The following IRAG2 variants were observed in gnomAD, a reference collection of about 807,000 sequenced individuals.
IRAG2 encodes inositol 1,4,5-triphosphate receptor associated 2.
Under a neutral mutation model 69.9 loss-of-function variants are expected in IRAG2, and 45 were observed. That is an observed-to-expected ratio of 0.64 (90% CI 0.51 to 0.83). IRAG2 has a LOEUF of 0.83. Ranked by LOEUF, IRAG2 falls within the 40% of genes least tolerant of loss-of-function variation. The pLI is 0.00. For missense variants in IRAG2, 520 were observed against 587.0 expected (o/e 0.89, Z 1.18); for synonymous variants, 193 against 202.4 (o/e 0.95, Z 0.40).
intron 14 of IRAG2, among the ~76,000 whole-genome samples, chr12:25,096,323 G>A (rs1319236799): frequency 6.6e-6 from 1 of 152,104 alleles, no homozygotes; most frequent in Admixed American, 6.5e-5. Flanking sequence ...CAATCACACA[G>A]GTAATGAGCA....
chr12:25,029,707 G>A (rs1199903125), intron 9 of IRAG2, among the ~76,000 whole-genome samples: 2 of 151,326 alleles, frequency 1.3e-5, no homozygotes, highest in African/African-American at 4.9e-5. Flanking sequence ...AGAGATGAGA[G>A]TCTTGCGCTG....
intron 1 of IRAG2, among the ~76,000 whole-genome samples, chr12:25,058,782 A>G (rs1335385857): frequency 6.6e-6 from 1 of 152,228 alleles, no homozygotes; most frequent in African/African-American, 2.4e-5. Flanking sequence ...TACATGGCAG[A>G]TGGCAACAGC....
chr12:25,105,953 T>C (rs1032234581), intron 20 of IRAG2, among the ~76,000 whole-genome samples: 1 of 151,954 alleles, frequency 6.6e-6, no homozygotes, highest in Non-Finnish European at 1.5e-5. Context: ...TCAGCAAATA[T>C]AGTGGAACAA....
chr12:25,063,825 C>A lies in IRAG2; in HGVS notation c.-207+9C>A, dbSNP rs1945789789. ...GTACACACCTCTGCTGGGTAAGCCC[C>A]CCTTCTATACCTGCTCAGACACAAG... On this transcript the variant is annotated intron_variant, in intron 4 of 21. Transcript: ENST00000556887. The A allele has an allele frequency of 7.5e-6, 3 of 398,960 alleles. No individual in the cohort carries two copies. Among genetic ancestry groups the A allele is most frequent in the Middle Eastern group, 6.3e-4 (1 of 1,588 alleles). 24.7% of individuals were successfully genotyped at this position (398,960 alleles called of 1,614,324 possible). A position where few individuals can be genotyped will look rare whatever the true frequency, so the allele number is the denominator to read the frequency against.
intron 6 of IRAG2, among the ~76,000 whole-genome samples, chr12:25,019,429 ATGGTG>A (rs567433375): frequency 1.3e-4 from 20 of 152,012 alleles, no homozygotes; most frequent in Non-Finnish European, 2.6e-4. Context: ...TGGAAAGGGG[ATGGTG>A]TGGAAAGATA....
At chr12:25,042,657 G>T (rs958152913) in intron 16 of IRAG2, among the ~76,000 whole-genome samples, 22 of 151,914 alleles carry the variant, frequency 1.4e-4, no homozygotes, top group African/African-American at 5.1e-4. Context: ...AGTGGAGATG[G>T]GGTTTCACCA....
chr12:25,077,349 T>TG lies in IRAG2; in HGVS notation c.25-1895_25-1894insG, dbSNP rs1946865346. 4.8e-5 allele frequency among the ~76,000 whole-genome samples: 2 copies of TG among 41,974 alleles called. 1 individual carries two copies. Among genetic ancestry groups the TG allele is most frequent in the African/African-American group, 1.3e-4 (2 of 15,816 alleles). 27.5% of individuals were successfully genotyped at this position (41,974 alleles called of 152,430 possible). ...ATATGATATATATATGAAATATATA[T>TG]ATGATATATATGATATATATGAAAT... On this transcript the variant is annotated intron_variant, in intron 6 of 21. Transcript: ENST00000556887.
chr12:25,015,159 T>TG (rs1555125470), intron 3 of IRAG2: 79 of 947,782 alleles, frequency 8.3e-5, no homozygotes, highest in African/African-American at 2.3e-4. Flanking sequence ...GGTTTTGTTT[T>TG]TTTTTTTTTT....
chr12:25,102,183 T>C lies in IRAG2; in HGVS notation c.890-15T>C. 6.2e-7 allele frequency: 1 copy of C among 1,610,572 alleles called. No homozygotes were observed. Among genetic ancestry groups the C allele is most frequent in the Non-Finnish European group, 8.5e-7 (1 of 1,177,126 alleles). On this transcript the variant is annotated splice_polypyrimidine_tract_variant and intron_variant, in intron 16 of 21. Transcript: ENST00000556887. The stretch of plus-strand genomic sequence containing the variant: ...GTGTAATAGCTAAAATGTGTCAATG[T>C]GTTTTTCCTTTCAGATGACTGCCAA...
chr12:25,079,584 T>C, intron 8 of IRAG2, 72 bp from the exon 9 acceptor site: 2 of 1,266,522 alleles, frequency 1.6e-6, no homozygotes, highest in Non-Finnish European at 2.3e-6. Flanking sequence ...TCCTTTTGCA[T>C]AGTATAGTTA....
At chr12:25,094,658 G>A (rs1271459090) in intron 14 of IRAG2, among the ~76,000 whole-genome samples, 4 of 151,998 alleles carry the variant, frequency 2.6e-5, no homozygotes, top group Non-Finnish European at 5.9e-5. Flanking sequence ...TATCACTTTG[G>A]GTACTATAGA....
chr12:25,079,845 C>A, intron 9 of IRAG2, 82 bp downstream of exon 9: 1 of 766,284 alleles, frequency 1.3e-6, no homozygotes, highest in Non-Finnish European at 2.2e-6. Flanking sequence ...ACTATCCACA[C>A]TAGCTCAATA....
rs1320570502 is a variant in IRAG2, at chr12:25,079,237, C to A, written c.25-7C>A. The A allele has an allele frequency of 6.2e-7, 1 of 1,613,700 alleles. No individual in the cohort carries two copies. Among genetic ancestry groups the A allele is most frequent in the East Asian group, 2.2e-5 (1 of 44,880 alleles). ...TTGAACTTATGTCTCCTTTCTTTTTCCTTAAGGAGAATGGTGTTGAACGCG... is the reference window on the plus strand; with the variant it reads ...TTGAACTTATGTCTCCTTTCTTTTTACTTAAGGAGAATGGTGTTGAACGCG... On this transcript the variant is annotated splice_polypyrimidine_tract_variant and splice_region_variant and intron_variant, in intron 6 of 21. Coordinates refer to ENST00000556887, the MANE Select transcript of IRAG2 (RefSeq NM_001366544.2).
chr12:25,073,854 G>C (rs1465652189), intron 6 of IRAG2, among the ~76,000 whole-genome samples: 1 of 152,210 alleles, frequency 6.6e-6, no homozygotes, highest in Non-Finnish European at 1.5e-5. Flanking sequence ...TCAAAACAAG[G>C]TTTAGAGGGT....
intron 6 of IRAG2, among the ~76,000 whole-genome samples, chr12:25,077,505 A>G (rs528832197): frequency 7.3e-5 from 11 of 151,188 alleles, no homozygotes; most frequent in African/African-American, 2.4e-4. Context: ...TTTAAGGTAC[A>G]GTTTCTCTTT....
At chr12:25,015,535 G>A in intron 5 of IRAG2, 1 of 618,418 alleles carries the variant, frequency 1.6e-6, no homozygotes, top group Non-Finnish European at 2.3e-6. Flanking sequence ...CTCTTTTTTT[G>A]CAGTAGAGCT....
At chr12:25,013,778 A>G (rs943705341) in intron 3 of IRAG2, among the ~76,000 whole-genome samples, 1 of 151,998 alleles carries the variant, frequency 6.6e-6, no homozygotes, top group Non-Finnish European at 1.5e-5. Flanking sequence ...TTTGGAAGAA[A>G]TAAAAATATG....
chr12:25,065,885 G>T (rs548966158), intron 4 of IRAG2, among the ~76,000 whole-genome samples: 3 of 152,202 alleles, frequency 2.0e-5, no homozygotes, highest in Admixed American at 2.0e-4. Flanking sequence ...GCCCAGGCTG[G>T]TCTCAAACTC....
rs777408312 is a variant in IRAG2 at position 25,103,855 on chromosome 12, G to C, written c.952G>C (p.Val318Leu). The C allele has an allele frequency of 3.1e-6, 5 of 1,612,948 alleles. No homozygotes were observed. In the South Asian group the frequency reaches 5.5e-5, roughly 18 times the overall value. ...LNSKPSSLRR[V>L]TIASLPRNIG... Reference sequence around the variant, plus strand: ...CTGGTAGCCATCTTCTCTACGAAGAGTGACTATTGCCTCTTTACCCAGAAA... The same window carrying C: ...CTGGTAGCCATCTTCTCTACGAAGACTGACTATTGCCTCTTTACCCAGAAA... Residue 318 changes from valine (V) to leucine (L), a missense_variant, in exon 18 of 22, where the codon GTG becomes CTG. Coordinates refer to ENST00000556887, the MANE Select transcript of IRAG2 (RefSeq NM_001366544.2).
Sources: gnomAD v4.1 joint callset for allele counts (sites outside exome capture counted in the v4.1 genomes callset) on GRCh38, gnomAD v4.1.1 for gene constraint, MANE v1.5 for transcripts, NCBI Gene and HGNC (gene_info 2026-07-23, HGNC 2026-07-21) for gene names.